Variants in NDUFAF2 observed in about 807,000 individuals in gnomAD.
The protein encoded by NDUFAF2 is NADH dehydrogenase [ubiquinone] 1 alpha subcomplex assembly factor 2.
A neutral mutation model predicts 22.8 loss-of-function variants in NDUFAF2; 13 were observed. The observed-to-expected ratio is 0.57, with a 90% CI of 0.37 to 0.91. The LOEUF (loss-of-function observed/expected upper bound fraction) is 0.91. Ranked by LOEUF, NDUFAF2 falls within the 40% of genes least tolerant of loss-of-function variation. The pLI, the probability that NDUFAF2 is intolerant of heterozygous loss-of-function variation, is 0.01. For synonymous variants in NDUFAF2, 53 were observed against 64.2 expected (o/e 0.83, Z 0.84); for missense variants, 162 against 195.2 (o/e 0.83, Z 1.01).
chr5:61,074,581 A>G (rs1324942535), intron 2 of NDUFAF2, among the ~76,000 whole-genome samples: 1 of 149,826 alleles, frequency 6.7e-6, no homozygotes, highest in African/African-American at 2.5e-5. Context: ...GTGAGACTCC[A>G]TCTCAGAAAA....
At chr5:61,025,891 C>T (rs1040112615) in intron 1 of NDUFAF2, among the ~76,000 whole-genome samples, 1 of 151,842 alleles carries the variant, frequency 6.6e-6, no homozygotes, top group East Asian at 1.9e-4. Flanking sequence ...TTTTTATATG[C>T]TCATTTTCTT....
chr5:61,128,783 G>T (rs922325087), intron 3 of NDUFAF2, among the ~76,000 whole-genome samples: 1 of 152,066 alleles, frequency 6.6e-6, no homozygotes, highest in Non-Finnish European at 1.5e-5. Flanking sequence ...GGCAACAAAA[G>T]CCAAAATTGA....
intron 1 of NDUFAF2, among the ~76,000 whole-genome samples, chr5:61,058,266 T>A (rs1342308977): frequency 6.6e-6 from 1 of 152,142 alleles, no homozygotes; most frequent in East Asian, 1.9e-4. Context: ...CCATCATTTT[T>A]AATTATTTCC....
chr5:61,112,460 C>G (rs1011151402), intron 3 of NDUFAF2, among the ~76,000 whole-genome samples: 1 of 152,166 alleles, frequency 6.6e-6, no homozygotes, highest in African/African-American at 2.4e-5. Flanking sequence ...GATCCGCCCA[C>G]TTCAGCCTCC....
At chr5:61,080,590 A>G (rs1752429543) in intron 2 of NDUFAF2, among the ~76,000 whole-genome samples, 1 of 152,022 alleles carries the variant, frequency 6.6e-6, no homozygotes, top group Non-Finnish European at 1.5e-5. Context: ...TTTAATTTTT[A>G]TGTCTCTAAT....
At chr5:61,122,898 T>A (rs1752993485) in intron 3 of NDUFAF2, among the ~76,000 whole-genome samples, 2 of 152,174 alleles carry the variant, frequency 1.3e-5, no homozygotes, top group African/African-American at 4.8e-5. Flanking sequence ...TCTCTGACAC[T>A]GTGGCATGGG....
At chr5:60,984,345 A>G (rs1751036962) in intron 1 of NDUFAF2, among the ~76,000 whole-genome samples, 2 of 152,148 alleles carry the variant, frequency 1.3e-5, no homozygotes, top group Admixed American at 6.5e-5. Context: ...ATCTGCAAAC[A>G]GGGACAATTT....
chr5:61,057,668 T>C (rs1490199844), intron 1 of NDUFAF2, among the ~76,000 whole-genome samples: 1 of 152,126 alleles, frequency 6.6e-6, no homozygotes, highest in Admixed American at 6.5e-5. Flanking sequence ...TTGAATAGTT[T>C]TGTAAATTGA....
chr5:61,128,976 G>T (rs922221526), intron 3 of NDUFAF2, among the ~76,000 whole-genome samples: 5 of 152,182 alleles, frequency 3.3e-5, no homozygotes, highest in African/African-American at 9.7e-5. Flanking sequence ...CCATCAAAAA[G>T]TGGGCAAAGT....
At chr5:61,012,464 G>A (rs141072273) in intron 1 of NDUFAF2, among the ~76,000 whole-genome samples, 1 of 152,158 alleles carries the variant, frequency 6.6e-6, no homozygotes, top group African/African-American at 2.4e-5. Context: ...CTGAAATTAA[G>A]TAAATATGCA....
chr5:60,965,206 A>G (rs1468614951), intron 1 of NDUFAF2, among the ~76,000 whole-genome samples: 1 of 152,198 alleles, frequency 6.6e-6, no homozygotes, highest in African/African-American at 2.4e-5. Flanking sequence ...TTCAAATCTG[A>G]CTTGACATAG....
intron 1 of NDUFAF2, among the ~76,000 whole-genome samples, chr5:60,973,812 G>A (rs1471091376): frequency 6.6e-6 from 1 of 152,050 alleles, no homozygotes; most frequent in East Asian, 1.9e-4. Context: ...CTTCCCGGAG[G>A]TTATTTTATT....
chr5:60,982,069 C>T (rs1750985843), intron 1 of NDUFAF2, among the ~76,000 whole-genome samples: 2 of 152,004 alleles, frequency 1.3e-5, no homozygotes, highest in African/African-American at 4.8e-5. Context: ...CACAAACAGC[C>T]AAAGCAAAAA....
In NDUFAF2 at chr5:61,076,677, G is replaced by T. The variant is rs1408325353; in HGVS notation, c.217+3463G>T. Among the ~76,000 whole-genome samples, 4 of 152,200 alleles carry T rather than the reference G, an allele frequency of 2.6e-5. 1 individual carries two copies. In the South Asian group the frequency reaches 6.2e-4, roughly 24 times the overall value. On this transcript the variant is annotated intron_variant, in intron 2 of 3. Transcript: ENST00000296597. ...CTGTGAGACTGGAAGCCATTGTAGG[G>T]TTTTGAAAAGAGTAGTCATATGTTC... is the stretch of plus-strand genomic sequence containing the variant.
chr5:60,988,691 A>G (rs1751116360), intron 1 of NDUFAF2, among the ~76,000 whole-genome samples: 1 of 152,198 alleles, frequency 6.6e-6, no homozygotes, highest in Non-Finnish European at 1.5e-5. Context: ...AGGACTCCCT[A>G]TTCTACAAAT....
chr5:61,092,409 T>A (rs1293217295), intron 2 of NDUFAF2, among the ~76,000 whole-genome samples: 10 of 152,024 alleles, frequency 6.6e-5, no homozygotes, highest in African/African-American at 2.4e-4. Flanking sequence ...GGTTTGTAGT[T>A]CTCCTTATCG....
chr5:60,955,399 T>C (rs1750602072), intron 1 of NDUFAF2, among the ~76,000 whole-genome samples: 1 of 152,220 alleles, frequency 6.6e-6, no homozygotes, highest in South Asian at 2.1e-4. Context: ...TATTACTAGG[T>C]TCTGTCTTCT....
chr5:60,945,546 G>A (rs1580060088), intron 1 of NDUFAF2, 164 bp downstream of exon 1: 1 of 1,079,778 alleles, frequency 9.3e-7, no homozygotes, highest in Non-Finnish European at 1.4e-6. Context: ...CTTCACTCTG[G>A]CATCGGAGCC....
At chr5:61,009,877 ACAAAG>A (rs533681541) in intron 1 of NDUFAF2, among the ~76,000 whole-genome samples, 48 of 152,120 alleles carry the variant, frequency 3.2e-4, no homozygotes, top group Non-Finnish European at 5.6e-4. Context: ...CTCTAAAAAA[ACAAAG>A]CAAAGCAAAA....
Sources: allele counts gnomAD v4.1 joint callset (sites outside exome capture counted in the v4.1 genomes callset), GRCh38; gene constraint gnomAD v4.1.1; transcripts MANE v1.5; gene names NCBI Gene and HGNC (gene_info 2026-07-23, HGNC 2026-07-21).